The following MS4A1 variants were observed in gnomAD, a reference collection of about 807,000 sequenced individuals.
MS4A1 encodes B-lymphocyte antigen CD20.
Under a neutral mutation model 26.5 loss-of-function variants are expected in MS4A1, and 16 were observed. The observed-to-expected ratio is 0.60, with a 90% CI of 0.41 to 0.92. MS4A1 has a LOEUF of 0.92. MS4A1 is among the 40% of genes least tolerant of loss of function. The pLI is 0.00. For synonymous variants in MS4A1, 128 were observed against 117.6 expected (o/e 1.09, Z -0.57); for missense variants, 350 against 353.0 (o/e 0.99, Z 0.07).
chr11:60,460,108 T>G (rs2086236114), intron 1 of MS4A1, among the ~76,000 whole-genome samples: 1 of 151,908 alleles, frequency 6.6e-6, no homozygotes, highest in Non-Finnish European at 1.5e-5. Context: ...TAGCTGAGTA[T>G]GGTGGTGGTT....
At position 60,468,519 on chromosome 11, in the gene MS4A1, T is replaced by G; in HGVS notation, c.*51T>G. 1 of 1,544,090 alleles carries G rather than the reference T, an allele frequency of 6.5e-7. No individual in the cohort carries two copies. Among genetic ancestry groups the G allele is most frequent in the East Asian group, 2.3e-5 (1 of 43,636 alleles). On this transcript the variant is annotated 3_prime_UTR_variant, in exon 8 of 8. Coordinates refer to ENST00000345732, the MANE Select transcript of MS4A1 (RefSeq NM_152866.3). The stretch of plus-strand genomic sequence containing the variant: ...TTTTTTAAACATTAGTGTTCATAGC[T>G]TCCAAGAGACATGCTGACTTTCATT...
At chr11:60,463,221 T>C (rs1204502781) in intron 4 of MS4A1, 100 bp downstream of exon 4, 2 of 1,503,906 alleles carry the variant, frequency 1.3e-6, no homozygotes, top group Non-Finnish European at 9.2e-7. Context: ...GAGGGAAATA[T>C]ATGAGTAGGA....
In MS4A1 at chr11:60,468,408, C is replaced by T; in HGVS notation, c.834C>T (p.Asn278=). The T allele has an allele frequency of 6.2e-7, 1 of 1,614,150 alleles. No homozygotes were observed. The highest frequency in any genetic ancestry group is 1.1e-5 in the South Asian group (1 of 91,076). Residue 278 remains asparagine (N), a synonymous_variant, in exon 8 of 8, where the codon AAC becomes AAT. Coordinates refer to ENST00000345732, the MANE Select transcript of MS4A1 (RefSeq NM_152866.3). ...QEEEEEETET[N]FPEPPQDQES... is the part of the protein sequence containing the mutation. ...AGGAAGAAGAAGAAACAGAGACGAA[C>T]TTTCCAGAACCTCCCCAAGATCAGG...
chr11:60,467,280 T>TC (rs1381101259), intron 7 of MS4A1, among the ~76,000 whole-genome samples: 1 of 132,838 alleles, frequency 7.5e-6, no homozygotes, highest in Admixed American at 7.2e-5. Context: ...TGTGCGTCTT[T>TC]TTTTTTTTTT....
intron 4 of MS4A1, among the ~76,000 whole-genome samples, chr11:60,463,599 T>A (rs2086266551): frequency 6.6e-6 from 1 of 152,238 alleles, no homozygotes; most frequent in Admixed American, 6.5e-5. Context: ...TTTACGTACA[T>A]GTTTTCCAAA....
chr11:60,468,022 ACTGTGGTCAATGT>A (rs1204257873), intron 7 of MS4A1, among the ~76,000 whole-genome samples: 1 of 152,166 alleles, frequency 6.6e-6, no homozygotes, highest in African/African-American at 2.4e-5. Context: ...CATTCCAGGC[ACTGTGGTCAATGT>A]CTGCTGCCCT....
In MS4A1 at chr11:60,468,656, T is replaced by C. The variant is rs201964094; in HGVS notation, c.*188T>C. ...TAGAGAATGTAGCCATTGTAGCAGCTTGTGTTGTCACGCTTCTTCTTTTGA... is the reference window on the plus strand; with the variant it reads ...TAGAGAATGTAGCCATTGTAGCAGCCTGTGTTGTCACGCTTCTTCTTTTGA... On this transcript the variant is annotated 3_prime_UTR_variant, in exon 8 of 8. Transcript: ENST00000345732. 2.1e-5 allele frequency: 13 copies of C among 631,406 alleles called. No individual in the cohort carries two copies. The highest frequency in any genetic ancestry group is 3.6e-5 in the Non-Finnish European group (13 of 360,274). 39.1% of individuals were successfully genotyped at this position (631,406 alleles called of 1,614,324 possible).
At chr11:60,456,405 TAATC>T (rs374648689) in intron 1 of MS4A1, among the ~76,000 whole-genome samples, 3 of 152,196 alleles carry the variant, frequency 2.0e-5, no homozygotes, top group South Asian at 2.1e-4. Flanking sequence ...AATGAGAAAA[TAATC>T]AGTCATAGGC....
Position 60,469,846 on chromosome 11 carries a change from T to G in MS4A1, c.*1378T>G, listed in dbSNP as rs149307450. The G allele has an allele frequency of 3.9e-5, 6 of 152,222 alleles. No homozygotes were observed. The East Asian group carries it at 1.2e-3, about 29-fold the overall frequency. The allele number at this position is 152,222 out of a possible 1,614,324, so 9.4% of individuals were successfully genotyped here. A position where few individuals can be genotyped will look rare whatever the true frequency, so the allele number is the denominator to read the frequency against. ...TCACTATAATCTGTAGTCTATTATT[T>G]GGGCATTTGCTACATGATGAGTGCT... On this transcript the variant is annotated 3_prime_UTR_variant, in exon 8 of 8. Coordinates refer to ENST00000345732, the MANE Select transcript of MS4A1 (RefSeq NM_152866.3).
chr11:60,466,982 C>G lies in MS4A1; in HGVS notation c.597C>G (p.Ile199Met), dbSNP rs184174552. ...LFLGILSVML[I>M]FAFFQELVIA... ...AGGGCATTTTGTCAGTGATGCTGAT[C>G]TTTGCCTTCTTCCAGGAACTTGTAA... Residue 199 changes from isoleucine (I) to methionine (M), a missense_variant, in exon 7 of 8, where the codon ATC (isoleucine) becomes ATG (methionine). Coordinates refer to ENST00000345732, the MANE Select transcript of MS4A1 (RefSeq NM_152866.3). 2.2e-5 allele frequency: 35 copies of G among 1,614,006 alleles called. No individual in the cohort carries two copies. In the South Asian group the frequency reaches 3.6e-4, roughly 17 times the overall value.
In MS4A1 at chr11:60,463,129, A is replaced by G. The variant is rs2135198320; in HGVS notation, c.279+8A>G. On this transcript the variant is annotated splice_region_variant and intron_variant, in intron 4 of 7. Coordinates refer to ENST00000345732, the MANE Select transcript of MS4A1 (RefSeq NM_152866.3). The stretch of plus-strand genomic sequence containing the variant: ...CTCTGGGGAGGCATTATGGTGAGTA[A>G]AAGAATAGCAGCCATTTGGGAAATG... The G allele has an allele frequency of 6.2e-7, 1 of 1,614,168 alleles. No homozygotes were observed. Among genetic ancestry groups the G allele is most frequent in the Non-Finnish European group, 8.5e-7 (1 of 1,180,020 alleles).
chr11:60,462,353 T>G lies in MS4A1; in HGVS notation c.-22T>G. ...CTCCTCATTTTGTTATTTGTTTTAT[T>G]TTTAGGAGTTTTGAGAGCAAAATGA... is the stretch of plus-strand genomic sequence containing the variant. On this transcript the variant is annotated 5_prime_UTR_variant, in exon 3 of 8. In the 5' UTR this introduces an upstream ATG that the reference lacks. Transcript: ENST00000345732. The G allele has an allele frequency of 6.2e-7, 1 of 1,613,940 alleles. No homozygotes were observed. The highest frequency in any genetic ancestry group is 1.1e-5 in the South Asian group (1 of 91,074).
intron 1 of MS4A1, chr11:60,458,317 G>A (rs1461230681): frequency 6.6e-6 from 1 of 152,204 alleles, no homozygotes; most frequent in Non-Finnish European, 1.5e-5. Context: ...CAGTGAGGCA[G>A]TTTTTAAACT....
At chr11:60,463,633 C>T (rs779678009) in intron 4 of MS4A1, 3 of 347,228 alleles carry the variant, frequency 8.6e-6, no homozygotes, top group Non-Finnish European at 1.8e-5. Flanking sequence ...CTGGGTGTGG[C>T]ACATAGGACA....
intron 1 of MS4A1, 29 bp downstream of exon 1, chr11:60,455,974 G>T (rs2086200142): frequency 6.6e-6 from 1 of 152,146 alleles, no homozygotes; most frequent in East Asian, 1.9e-4. Context: ...TTCTTTAAAT[G>T]ACTTAAAGGA....
rs769348942 is a variant in MS4A1 at position 60,465,906 on chromosome 11, G to A, written c.337-15G>A. 5 of 1,585,718 alleles carry A rather than the reference G, an allele frequency of 3.2e-6. No homozygotes were observed. The South Asian group carries it at 3.3e-5, about 11-fold the overall frequency. On this transcript the variant is annotated splice_polypyrimidine_tract_variant and intron_variant, in intron 5 of 7. Transcript: ENST00000345732. The stretch of plus-strand genomic sequence containing the variant: ...GAAATCAAACCCAATTAATAAATCT[G>A]TGTCTCCATTTCAGGTCAAAGGAAA...
intron 5 of MS4A1, among the ~76,000 whole-genome samples, chr11:60,465,226 T>C (rs898258554): frequency 3.9e-5 from 6 of 152,234 alleles, no homozygotes; most frequent in African/African-American, 1.4e-4. Flanking sequence ...TTATGGTACT[T>C]GTTATTTATA....
chr11:60,467,024 G>A lies in MS4A1; in HGVS notation c.639G>A (p.Glu213=). Residue 213 remains glutamate (E), a synonymous_variant, in exon 7 of 8, where the codon GAG becomes GAA. Transcript: ENST00000345732. ...AACTTGTAATAGCTGGCATCGTTGA[G>A]AATGAATGGAAAAGAACGTGCTCCA... ...FQELVIAGIV[E]NEWKRTCSRP... The A allele has an allele frequency of 6.2e-7, 1 of 1,614,168 alleles. No homozygotes were observed. Among genetic ancestry groups the A allele is most frequent in the Non-Finnish European group, 8.5e-7 (1 of 1,180,018 alleles).
intron 7 of MS4A1, among the ~76,000 whole-genome samples, chr11:60,467,460 G>A (rs1347122172): frequency 6.6e-6 from 1 of 151,884 alleles, no homozygotes; most frequent in African/African-American, 2.4e-5. Context: ...TATTTTTGTA[G>A]AGACGGGGGT....
Sources: allele counts gnomAD v4.1 joint callset (sites outside exome capture counted in the v4.1 genomes callset), GRCh38; gene constraint gnomAD v4.1.1; transcripts MANE v1.5; gene names NCBI Gene and HGNC (gene_info 2026-07-23, HGNC 2026-07-21).